Variants in DIAPH2 observed in about 807,000 individuals in gnomAD.
The protein encoded by DIAPH2 is diaphanous related formin 2.
DIAPH2 carries 35 observed loss-of-function variants against 92.7 expected under a neutral mutation model. The observed-to-expected ratio is 0.38, with a 90% CI of 0.29 to 0.50. The LOEUF (loss-of-function observed/expected upper bound fraction) is 0.50. DIAPH2 is among the 20% of genes least tolerant of loss of function. The pLI is 0.94. For missense variants in DIAPH2, 701 were observed against 819.5 expected (o/e 0.86, Z 1.77); for synonymous variants, 301 against 280.4 (o/e 1.07, Z -0.73).
intron 3 of DIAPH2, among the ~76,000 whole-genome samples, chrX:96,748,424 G>T (rs185312574): frequency 8.9e-6 from 1 of 111,753 alleles, no homozygotes; most frequent in East Asian, 2.8e-4. Context: ...CCTGTGTAGG[G>T]GCTCAGGATG....
At chrX:97,455,648 C>A (rs1341847709) in intron 26 of DIAPH2, among the ~76,000 whole-genome samples, 1 of 112,182 alleles carries the variant, frequency 8.9e-6, no homozygotes, top group South Asian at 3.7e-4. Flanking sequence ...TGTTGTTACT[C>A]ATTCCTCTCC....
intron 4 of DIAPH2, among the ~76,000 whole-genome samples, chrX:96,813,728 A>G (rs1267496391): frequency 8.9e-6 from 1 of 111,756 alleles, no homozygotes; most frequent in Non-Finnish European, 1.9e-5. Flanking sequence ...GGTGGTGACA[A>G]AATCCCTCAG....
chrX:97,563,541 C>T (rs2071307523), intron 26 of DIAPH2, among the ~76,000 whole-genome samples: 1 of 111,030 alleles, frequency 9.0e-6, no homozygotes, highest in African/African-American at 3.3e-5. Flanking sequence ...ACTCTGAGGC[C>T]TCAATAAAAA....
chrX:97,037,170 A>G (rs2066416697), intron 17 of DIAPH2, among the ~76,000 whole-genome samples: 1 of 111,403 alleles, frequency 9.0e-6, no homozygotes, highest in Non-Finnish European at 1.9e-5. Flanking sequence ...ATTGAGAGTA[A>G]CAAAAGTTCC....
intron 13 of DIAPH2, among the ~76,000 whole-genome samples, chrX:96,942,494 G>A (rs1739104106): frequency 1.8e-5 from 2 of 111,061 alleles, no homozygotes; most frequent in Non-Finnish European, 3.8e-5. Flanking sequence ...TAGTGGTCTT[G>A]TAGAAATCAT....
chrX:96,686,392 G>GAA (rs113258421), intron 1 of DIAPH2, among the ~76,000 whole-genome samples: 7 of 102,489 alleles, frequency 6.8e-5, no homozygotes, highest in Non-Finnish European at 1.0e-4. Context: ...ATGCTTTCGA[G>GAA]AAAAAAAAAA....
chrX:97,392,777 A>G (rs1466364833), intron 25 of DIAPH2, among the ~76,000 whole-genome samples: 1 of 111,969 alleles, frequency 8.9e-6, no homozygotes, highest in African/African-American at 3.2e-5. Context: ...AATCTCTGAC[A>G]AGGTGTTTCA....
At chrX:96,995,789 C>T (rs892209466) in intron 17 of DIAPH2, among the ~76,000 whole-genome samples, 1 of 106,869 alleles carries the variant, frequency 9.4e-6, no homozygotes, top group Non-Finnish European at 1.9e-5. Flanking sequence ...GTCTTATAGG[C>T]AGTAATGTGT....
intron 26 of DIAPH2, among the ~76,000 whole-genome samples, chrX:97,511,319 A>G (rs1324620753): frequency 3.3e-4 from 28 of 85,937 alleles, no homozygotes; most frequent in East Asian, 4.0e-4. Flanking sequence ...TTTGTCTGTT[A>G]TTGGTGTATA....
chrX:97,357,108 A>T (rs1286181024), intron 24 of DIAPH2, among the ~76,000 whole-genome samples: 1 of 111,729 alleles, frequency 9.0e-6, no homozygotes, highest in Non-Finnish European at 1.9e-5. Flanking sequence ...GTTCCCTATA[A>T]ATAAGTTATT....
At chrX:97,408,243 A>T (rs905572116) in intron 25 of DIAPH2, among the ~76,000 whole-genome samples, 1 of 111,595 alleles carries the variant, frequency 9.0e-6, no homozygotes, top group Admixed American at 9.6e-5. Context: ...TGAAATTGGG[A>T]AAGCTATATT....
rs925703847 is a variant in DIAPH2, at chrX:96,737,304, A to T, written c.166-1282A>T. Among the ~76,000 whole-genome samples the T allele has an allele frequency of 2.7e-5, 3 of 112,342 alleles. No homozygotes were observed. The Admixed American group carries it at 2.8e-4, about 11-fold the overall frequency. ...GCTTAAAACTGCTCATATTTCTTTC[A>T]AAGTATACTTTTTGGTTTTAAAAAA... On this transcript the variant is annotated intron_variant, in intron 2 of 26. Coordinates refer to ENST00000324765, the MANE Select transcript of DIAPH2 (RefSeq NM_006729.5).
intron 1 of DIAPH2, among the ~76,000 whole-genome samples, chrX:96,690,339 AT>A (rs1355732186): frequency 3.6e-5 from 4 of 111,554 alleles, no homozygotes; most frequent in Non-Finnish European, 7.5e-5. Context: ...GAGCTCTTTG[AT>A]TAATGTTTGC....
intron 21 of DIAPH2, among the ~76,000 whole-genome samples, chrX:97,132,926 C>A (rs1297783870): frequency 5.5e-5 from 6 of 108,935 alleles, no homozygotes; most frequent in African/African-American, 2.0e-4. Context: ...TTTTTTTTTT[C>A]CTGAGTACAG....
chrX:96,777,928 G>A (rs929984371), intron 4 of DIAPH2, among the ~76,000 whole-genome samples: 2 of 109,077 alleles, frequency 1.8e-5, no homozygotes, highest in Admixed American at 9.8e-5. Flanking sequence ...CATGTGCACA[G>A]TGTGCAGGTT....
In DIAPH2 at chrX:96,893,606, G is replaced by T. The variant is rs188981967; in HGVS notation, c.587+11888G>T. Among the ~76,000 whole-genome samples, 606 of 111,939 alleles carry T rather than the reference G, an allele frequency of 5.4e-3. 5 individuals are homozygous for T. The highest frequency in any genetic ancestry group is 0.019 in the African/African-American group (586 of 30,809). ...TCCATTTCCTGCATTTAGCCAAAAA[G>T]TAAAAAAATCAAGGTTATGATATTT... On this transcript the variant is annotated intron_variant, in intron 5 of 26. Coordinates refer to ENST00000324765, the MANE Select transcript of DIAPH2 (RefSeq NM_006729.5).
chrX:97,058,429 G>T (rs2066572634), intron 17 of DIAPH2, among the ~76,000 whole-genome samples: 2 of 99,293 alleles, frequency 2.0e-5, no homozygotes, highest in South Asian at 4.7e-4. Flanking sequence ...AAATTGCTCT[G>T]TATGATCTGA....
chrX:97,221,261 T>A (rs957074558), intron 22 of DIAPH2, among the ~76,000 whole-genome samples: 1 of 111,997 alleles, frequency 8.9e-6, no homozygotes, highest in Non-Finnish European at 1.9e-5. Flanking sequence ...AGGATATGCA[T>A]AGTGAGTTGA....
chrX:97,011,261 T>G (rs1311577736), intron 17 of DIAPH2, among the ~76,000 whole-genome samples: 1 of 112,370 alleles, frequency 8.9e-6, no homozygotes, highest in Admixed American at 9.5e-5. Flanking sequence ...CATAGTCCTT[T>G]AAATTCCATT....
Sources: gnomAD v4.1 joint callset for allele counts (sites outside exome capture counted in the v4.1 genomes callset) on GRCh38, gnomAD v4.1.1 for gene constraint, MANE v1.5 for transcripts, NCBI Gene and HGNC (gene_info 2026-07-23, HGNC 2026-07-21) for gene names.